MED9: variants seen among roughly 807,000 people sequenced by gnomAD.
The protein encoded by MED9 is mediator complex subunit 9.
MED9 carries 8 observed loss-of-function variants against 13.2 expected under a neutral mutation model. The ratio of observed to expected loss-of-function variants is 0.61; its 90% CI spans 0.36 to 1.10. The LOEUF (loss-of-function observed/expected upper bound fraction) is 1.10. Ranked by LOEUF, MED9 falls within the 50% of genes least tolerant of loss-of-function variation. The pLI is 0.02. For synonymous variants in MED9, 87 were observed against 82.8 expected, an observed-to-expected ratio of 1.05 and a Z score of -0.28; for missense variants, 180 against 193.4, an observed-to-expected ratio of 0.93 and a Z score of 0.41.
chr17:17,488,848 A>G (rs1331688205), intron 1 of MED9, among the ~76,000 whole-genome samples: 1 of 152,098 alleles, frequency 6.6e-6, no homozygotes, highest in Non-Finnish European at 1.5e-5. Flanking sequence ...AAAAAAGAAA[A>G]AAAGAAACCA....
Position 17,483,517 on chromosome 17 carries a change from G to T in MED9, c.224+6252G>T, listed in dbSNP as rs999734242. 3.3e-5 allele frequency among the ~76,000 whole-genome samples: 5 copies of T among 152,242 alleles called. No homozygotes were observed. The highest frequency in any genetic ancestry group is 5.9e-5 in the Non-Finnish European group (4 of 68,052). On this transcript the variant is annotated intron_variant, in intron 1 of 1. Coordinates refer to ENST00000268711, the MANE Select transcript of MED9 (RefSeq NM_018019.3). This position sits in a 1 kb window ranked among gnomAD's most constrained non-coding sequence, Gnocchi z 4.2. ...TCCTGTACCCCCAGGGACCCACCTG[G>T]TTCTGGGAGTGCTCTGGCTGGGACA...
At chr17:17,485,043 T>G (rs1905101742) in intron 1 of MED9, 1 of 243,464 alleles carries the variant, frequency 4.1e-6, no homozygotes, top group Admixed American at 5.6e-5. Context: ...TCTCACTCTG[T>G]CGCCCAGGCT....
At chr17:17,480,859 G>C (rs756811485) in intron 1 of MED9, among the ~76,000 whole-genome samples, 4 of 152,040 alleles carry the variant, frequency 2.6e-5, no homozygotes, top group Non-Finnish European at 4.4e-5. Context: ...AATGAGGGAG[G>C]AATAAGGGCA....
At chr17:17,489,452 T>A (rs1271683099) in intron 1 of MED9, among the ~76,000 whole-genome samples, 1 of 152,252 alleles carries the variant, frequency 6.6e-6, no homozygotes. Context: ...TTGTTTGTTT[T>A]ACCATGTCCT....
chr17:17,482,669 G>T (rs1597850187), intron 1 of MED9, among the ~76,000 whole-genome samples: 1 of 151,936 alleles, frequency 6.6e-6, no homozygotes, highest in Non-Finnish European at 1.5e-5. Context: ...TCTGAGTTTT[G>T]GTCCTACTTA....
Position 17,491,623 on chromosome 17 carries a change from C to T in MED9, c.*128C>T, listed in dbSNP as rs566511394. 6 of 924,088 alleles carry T rather than the reference C, an allele frequency of 6.5e-6. No individual in the cohort carries two copies. The highest frequency in any genetic ancestry group is 3.3e-5 in the African/African-American group (2 of 60,622). 57.2% of individuals were successfully genotyped at this position (924,088 alleles called of 1,614,324 possible). On this transcript the variant is annotated 3_prime_UTR_variant, in exon 2 of 2. Transcript: ENST00000268711. ...AGCTCGTCAAGCTGCAGGGGCGGGG[C>T]TCCTGTGCTGCTGCGCGCGCTTCGC...
chr17:17,491,773 G>A lies in MED9; in HGVS notation c.*278G>A, dbSNP rs1325693284. The A allele has an allele frequency of 6.9e-6, 3 of 434,126 alleles. No homozygotes were observed. The highest frequency in any genetic ancestry group is 1.3e-5 in the Non-Finnish European group (3 of 234,258). 26.9% of individuals were successfully genotyped at this position (434,126 alleles called of 1,614,324 possible). A position where few individuals can be genotyped will look rare whatever the true frequency, so the allele number is the denominator to read the frequency against. On this transcript the variant is annotated 3_prime_UTR_variant, in exon 2 of 2. Coordinates refer to ENST00000268711, the MANE Select transcript of MED9 (RefSeq NM_018019.3). The stretch of plus-strand genomic sequence containing the variant: ...CAGAATGCTCCTGGAGGCTGCAGAG[G>A]GGGTGGAGGACTCTCCCCTGCCTCT...
intron 1 of MED9, chr17:17,484,993 C>A: frequency 6.2e-6 from 1 of 160,800 alleles, no homozygotes; most frequent in Non-Finnish European, 1.4e-5. Context: ...AGGAGGCCAT[C>A]TGGAATTATT....
intron 1 of MED9, among the ~76,000 whole-genome samples, chr17:17,489,037 C>T (rs1597852354): frequency 6.6e-6 from 1 of 152,276 alleles, no homozygotes; most frequent in Non-Finnish European, 1.5e-5. Context: ...TTGGTCCTGT[C>T]CCTTTTCTTT....
intron 1 of MED9, among the ~76,000 whole-genome samples, chr17:17,482,032 A>T (rs1905041066): frequency 6.6e-6 from 1 of 152,204 alleles, no homozygotes; most frequent in Non-Finnish European, 1.5e-5. Context: ...TGAAATGGAA[A>T]CAGGGCCTCT....
chr17:17,485,782 A>G (rs925920812), intron 1 of MED9: 3 of 159,534 alleles, frequency 1.9e-5, no homozygotes, highest in African/African-American at 7.2e-5. Context: ...GTGGATGAAC[A>G]CGTTCTGGGC....
Position 17,493,056 on chromosome 17 carries a change from C to T in MED9, c.*1561C>T, listed in dbSNP as rs964936495. 6.6e-6 allele frequency: 1 copy of T among 152,136 alleles called. No individual in the cohort carries two copies. Among genetic ancestry groups the T allele is most frequent in the Non-Finnish European group, 1.5e-5 (1 of 68,024 alleles). The allele number at this position is 152,136 out of a possible 1,614,324, so 9.4% of individuals were successfully genotyped here. A position where few individuals can be genotyped will look rare whatever the true frequency, so the allele number is the denominator to read the frequency against. ...CTGACAGATACCACGAAACATGAAGCACGTGGAACTACAAGACCCCCGGGG... is the reference window on the plus strand; with the variant it reads ...CTGACAGATACCACGAAACATGAAGTACGTGGAACTACAAGACCCCCGGGG... On this transcript the variant is annotated 3_prime_UTR_variant, in exon 2 of 2. Coordinates refer to ENST00000268711, the MANE Select transcript of MED9 (RefSeq NM_018019.3).
chr17:17,479,212 G>A (rs1423280091), intron 1 of MED9, among the ~76,000 whole-genome samples: 1 of 152,194 alleles, frequency 6.6e-6, no homozygotes, highest in African/African-American at 2.4e-5. Flanking sequence ...TCTGTGTACT[G>A]ACATTTTCTT....
intron 1 of MED9, among the ~76,000 whole-genome samples, chr17:17,478,154 C>T (rs1189667318): frequency 6.6e-6 from 1 of 152,160 alleles, no homozygotes; most frequent in Non-Finnish European, 1.5e-5. Flanking sequence ...AGCCATGGCA[C>T]CCAGCGAATT....
chr17:17,482,149 C>G (rs1905042843), intron 1 of MED9, among the ~76,000 whole-genome samples: 2 of 152,150 alleles, frequency 1.3e-5, no homozygotes, highest in African/African-American at 4.8e-5. Context: ...GTCATTGTTT[C>G]TGCATTTTGC....
rs1179397119 is a variant in MED9, at chr17:17,491,347, G to C, written c.293G>C (p.Arg98Pro). The C allele has an allele frequency of 1.2e-6, 2 of 1,613,846 alleles. No homozygotes were observed. The highest frequency in any genetic ancestry group is 2.7e-5 in the African/African-American group (2 of 74,918). The change falls in exon 2 of 2, where the codon CGC (arginine) becomes CCC (proline). Residue 98 changes from arginine to proline, a missense_variant. Coordinates refer to ENST00000268711, the MANE Select transcript of MED9 (RefSeq NM_018019.3). ...NALKSKFQEM[R>P]KLISTMPGIH... The stretch of plus-strand genomic sequence containing the variant: ...CTCAAAAGCAAGTTCCAGGAGATGC[G>C]CAAGCTCATCAGCACCATGCCCGGC...
In MED9 at chr17:17,477,100, C is replaced by G; in HGVS notation, c.59C>G (p.Ser20Cys). The G allele has an allele frequency of 6.2e-7, 1 of 1,606,814 alleles. No individual in the cohort carries two copies. Among genetic ancestry groups the G allele is most frequent in the Non-Finnish European group, 8.5e-7 (1 of 1,179,044 alleles). Residue 20 changes from serine (S) to cysteine (C), a missense_variant, in exon 1 of 2, where the codon TCC becomes TGC. Transcript: ENST00000268711. ...GCGGAGGATGTATTGCCGCCAACGT[C>G]CGACCAGCCGCTGCCTGACACCAAG... ...RQAEDVLPPT[S>C]DQPLPDTKPL...
Position 17,491,770 on chromosome 17 carries a change from G to A in MED9, c.*275G>A. On this transcript the variant is annotated 3_prime_UTR_variant, in exon 2 of 2. Coordinates refer to ENST00000268711, the MANE Select transcript of MED9 (RefSeq NM_018019.3). ...AGTCAGAATGCTCCTGGAGGCTGCAGAGGGGGTGGAGGACTCTCCCCTGCC... is the reference window on the plus strand; with the variant it reads ...AGTCAGAATGCTCCTGGAGGCTGCAAAGGGGGTGGAGGACTCTCCCCTGCC... The A allele has an allele frequency of 2.3e-6, 1 of 437,714 alleles. No homozygotes were observed. The highest frequency in any genetic ancestry group is 4.2e-6 in the Non-Finnish European group (1 of 235,460). 27.1% of individuals were successfully genotyped at this position (437,714 alleles called of 1,614,324 possible). A position where few individuals can be genotyped will look rare whatever the true frequency, so the allele number is the denominator to read the frequency against.
intron 1 of MED9, among the ~76,000 whole-genome samples, chr17:17,481,535 GTCATTTCAAAAATTTATACAAATTGAGA>G (rs1448452935): frequency 5.3e-5 from 8 of 152,180 alleles, no homozygotes; most frequent in African/African-American, 1.9e-4. Flanking sequence ...ACATATGAAT[GTCATTTCAAAAATTTATACAAATTGAGA>G]TCACGTCGTA....
Sources: gnomAD v4.1 joint callset for allele counts (sites outside exome capture counted in the v4.1 genomes callset) on GRCh38, gnomAD v4.1.1 for gene constraint, Gnocchi (gnomAD v3.1) non-coding constraint, MANE v1.5 for transcripts, NCBI Gene and HGNC (gene_info 2026-07-23, HGNC 2026-07-21) for gene names.